Variants in IQUB observed in about 807,000 individuals in gnomAD.
IQUB encodes the protein IQ motif and ubiquitin-like domain-containing protein.
Under a neutral mutation model 86.4 loss-of-function variants are expected in IQUB, and 86 were observed. The ratio of observed to expected loss-of-function variants is 1.00; its 90% CI spans 0.84 to 1.19. IQUB has a LOEUF of 1.19. Ranked by LOEUF, IQUB falls within the 50% of genes most tolerant of loss-of-function variation. The pLI, the probability that IQUB is intolerant of heterozygous loss-of-function variation, is 0.00. For synonymous variants in IQUB, 289 were observed against 304.5 expected (o/e 0.95, Z 0.53); for missense variants, 946 against 916.9 (o/e 1.03, Z -0.41).
intron 1 of IQUB, among the ~76,000 whole-genome samples, chr7:123,513,069 C>G (rs1420811093): frequency 6.6e-6 from 1 of 152,042 alleles, no homozygotes; most frequent in Non-Finnish European, 1.5e-5. Context: ...GGGAAGGTAG[C>G]CCCCAGACCA....
At chr7:123,482,548 ATAAGAATT>A (rs1359448336) in intron 7 of IQUB, among the ~76,000 whole-genome samples, 1 of 152,102 alleles carries the variant, frequency 6.6e-6, no homozygotes, top group African/African-American at 2.4e-5. Context: ...ATCATCAAAA[ATAAGAATT>A]TAATCAAAGA....
Position 123,527,598 on chromosome 7 carries a change from C to CT in IQUB, c.-5+6893dup, listed in dbSNP as rs1458312876. 1.2e-4 allele frequency among the ~76,000 whole-genome samples: 17 copies of CT among 147,398 alleles called. No homozygotes were observed. In the East Asian group the frequency reaches 1.5e-3, roughly 13 times the overall value. On this transcript the variant is annotated intron_variant, in intron 1 of 12. Coordinates refer to ENST00000324698, the MANE Select transcript of IQUB (RefSeq NM_178827.5). ...CGTGTGAGGTGTCAGTCTGCCCCTG[C>CT]TGGGGGGTGCCTCCCAGTTAGGCTG...
chr7:123,487,963 T>G (rs1355578524), intron 7 of IQUB, among the ~76,000 whole-genome samples: 1 of 152,166 alleles, frequency 6.6e-6, no homozygotes, highest in Non-Finnish European at 1.5e-5. Flanking sequence ...CAGCAGTAAC[T>G]ATATCATTAA....
chr7:123,456,596 C>T (rs757682591), intron 12 of IQUB: 4 of 151,980 alleles, frequency 2.6e-5, no homozygotes, highest in African/African-American at 4.8e-5. Context: ...ACGACTACTG[C>T]ATTTTGTCAT....
At chr7:123,463,977 C>T (rs908007367) in intron 10 of IQUB, among the ~76,000 whole-genome samples, 1 of 151,464 alleles carries the variant, frequency 6.6e-6, no homozygotes, top group Non-Finnish European at 1.5e-5. Context: ...TTTTGCAATA[C>T]AATCAGGTTT....
intron 6 of IQUB, 148 bp from the exon 7 acceptor site, chr7:123,497,054 A>C (rs1795737169): frequency 5.1e-6 from 3 of 585,702 alleles, no homozygotes; most frequent in African/African-American, 1.9e-5. Flanking sequence ...CACAAACACT[A>C]ACATAAAAAA....
At chr7:123,533,255 T>C (rs1195255142) in intron 1 of IQUB, among the ~76,000 whole-genome samples, 1 of 152,160 alleles carries the variant, frequency 6.6e-6, no homozygotes, top group East Asian at 1.9e-4. Context: ...TCTGTATATA[T>C]GTGTAAGTAT....
intron 7 of IQUB, among the ~76,000 whole-genome samples, chr7:123,484,945 A>T (rs959177663): frequency 6.6e-6 from 1 of 152,104 alleles, no homozygotes; most frequent in African/African-American, 2.4e-5. Context: ...AAAACAGAAG[A>T]CACAGGAGCA....
At chr7:123,485,024 G>A (rs1795159710) in intron 7 of IQUB, among the ~76,000 whole-genome samples, 1 of 152,068 alleles carries the variant, frequency 6.6e-6, no homozygotes, top group Non-Finnish European at 1.5e-5. Flanking sequence ...ACTGGGTGAG[G>A]ACAAGAGAGA....
chr7:123,518,980 C>G (rs904170988), intron 1 of IQUB, among the ~76,000 whole-genome samples: 5 of 148,750 alleles, frequency 3.4e-5, no homozygotes, highest in African/African-American at 1.2e-4. Context: ...CAAATACCCC[C>G]TAATTTATTT....
chr7:123,458,462 T>C (rs771601375), intron 11 of IQUB, among the ~76,000 whole-genome samples: 1 of 152,006 alleles, frequency 6.6e-6, no homozygotes, highest in Non-Finnish European at 1.5e-5. Context: ...ATTTCATAAA[T>C]TGGTAATTCA....
intron 3 of IQUB, among the ~76,000 whole-genome samples, chr7:123,505,865 C>T (rs1796154060): frequency 6.6e-6 from 1 of 152,200 alleles, no homozygotes; most frequent in Admixed American, 6.5e-5. Flanking sequence ...ACCAAATGAT[C>T]AGGCTACACA....
chr7:123,478,178 T>G (rs960006676), intron 8 of IQUB, among the ~76,000 whole-genome samples: 3 of 152,080 alleles, frequency 2.0e-5, no homozygotes, highest in African/African-American at 7.2e-5. Context: ...TAGCAAAAAC[T>G]TGGAACCAAC....
intron 1 of IQUB, among the ~76,000 whole-genome samples, chr7:123,529,362 G>T (rs1195464673): frequency 6.6e-6 from 1 of 151,456 alleles, no homozygotes; most frequent in Non-Finnish European, 1.5e-5. Flanking sequence ...TTATTTTTAT[G>T]TAAAATACGA....
At position 123,498,215 on chromosome 7, in the gene IQUB, G is replaced by GC. The variant is rs564839349; in HGVS notation, c.1024-1310dup. ...ATTAAGAATCTCAAACACATCAGCG[G>GC]CATCTAGAAAACTATTAGCAATGCA... On this transcript the variant is annotated intron_variant, in intron 6 of 12. Transcript: ENST00000324698. 4.0e-4 allele frequency among the ~76,000 whole-genome samples: 61 copies of GC among 152,080 alleles called. No individual in the cohort carries two copies. The East Asian group carries it at 0.011, about 27-fold the overall frequency.
chr7:123,459,032 C>T (rs982898215), intron 11 of IQUB, among the ~76,000 whole-genome samples: 1 of 151,854 alleles, frequency 6.6e-6, no homozygotes, highest in Non-Finnish European at 1.5e-5. Context: ...AATTATGCCT[C>T]AAATACTATT....
intron 3 of IQUB, among the ~76,000 whole-genome samples, chr7:123,509,145 CTG>C (rs893912548): frequency 6.6e-6 from 1 of 152,046 alleles, no homozygotes; most frequent in Non-Finnish European, 1.5e-5. Context: ...AATATCAAAA[CTG>C]TTTAAAATAT....
chr7:123,495,272 A>G (rs570319538), intron 7 of IQUB, among the ~76,000 whole-genome samples: 12 of 152,160 alleles, frequency 7.9e-5, no homozygotes, highest in Non-Finnish European at 1.3e-4. Flanking sequence ...AGCTATAAAT[A>G]TTCCTAAAGC....
intron 12 of IQUB, among the ~76,000 whole-genome samples, chr7:123,455,083 CTTTA>C (rs954452888): frequency 4.6e-5 from 7 of 152,104 alleles, no homozygotes; most frequent in East Asian, 3.9e-4. Context: ...ATTTGCCTCC[CTTTA>C]TTTATTCATT....
Sources: allele counts gnomAD v4.1 joint callset (sites outside exome capture counted in the v4.1 genomes callset), GRCh38; gene constraint gnomAD v4.1.1; transcripts MANE v1.5; gene names NCBI Gene and HGNC (gene_info 2026-07-23, HGNC 2026-07-21).